Variants in SLIT2 observed in about 807,000 individuals in gnomAD.
The protein encoded by SLIT2 is slit homolog 2 protein.
A neutral mutation model predicts 185.7 loss-of-function variants in SLIT2; 41 were observed. The observed-to-expected ratio is 0.22, with a 90% confidence interval of 0.17 to 0.29. The LOEUF is 0.29. Ranked by LOEUF, SLIT2 falls within the 10% of genes least tolerant of loss-of-function variation. The probability of loss-of-function intolerance (pLI) is 1.00; values close to 1 mark genes in which losing one functional copy is unlikely to be tolerated. For synonymous variants in SLIT2, 693 were observed against 680.2 expected, an observed-to-expected ratio of 1.02 and a Z score of -0.29; for missense variants, 1,571 against 1,909.0, an observed-to-expected ratio of 0.82 and a Z score of 3.30.
intron 4 of SLIT2, among the ~76,000 whole-genome samples, chr4:20,315,168 T>A (rs914501050): frequency 2.0e-5 from 3 of 152,142 alleles, no homozygotes; most frequent in African/African-American, 7.2e-5. Flanking sequence ...AAGCTAGGAA[T>A]AAAACCTTAG....
chr4:20,302,873 C>T (rs1234414231), intron 4 of SLIT2, among the ~76,000 whole-genome samples: 5 of 152,114 alleles, frequency 3.3e-5, no homozygotes, highest in South Asian at 2.1e-4. Flanking sequence ...TTGTATATGA[C>T]GTGGAACTTT....
In SLIT2 at chr4:20,618,802, T is replaced by C. The variant is rs1403081858; in HGVS notation, c.4383T>C (p.Tyr1461=). The C allele has an allele frequency of 3.1e-6, 5 of 1,608,218 alleles. No homozygotes were observed. Among genetic ancestry groups the C allele is most frequent in the East Asian group, 2.2e-5 (1 of 44,680 alleles). Residue 1461 remains tyrosine, a synonymous_variant, in exon 37 of 37, where the codon TAT becomes TAC. Coordinates refer to ENST00000504154, the MANE Select transcript of SLIT2 (RefSeq NM_004787.4). The part of the protein sequence containing the change: ...ISCRGERIRD[Y]YQKQQGYAAC... The stretch of plus-strand genomic sequence containing the variant: ...GTCGAGGGGAAAGGATAAGAGATTA[T>C]TACCAAAAGCAGCAGGGCTATGCTG...
intron 4 of SLIT2, among the ~76,000 whole-genome samples, chr4:20,315,177 A>G (rs1718468121): frequency 1.3e-5 from 2 of 152,164 alleles, no homozygotes; most frequent in Admixed American, 6.5e-5. Flanking sequence ...ATAAAACCTT[A>G]GAGTTTCTCA....
At chr4:20,583,017 T>A (rs1726729795) in intron 29 of SLIT2, among the ~76,000 whole-genome samples, 1 of 152,206 alleles carries the variant, frequency 6.6e-6, no homozygotes, top group Non-Finnish European at 1.5e-5. Context: ...TCAGAACTCA[T>A]GCAATTCAAG....
chr4:20,379,601 C>G (rs113080955), intron 4 of SLIT2, among the ~76,000 whole-genome samples: 12 of 152,234 alleles, frequency 7.9e-5, no homozygotes, highest in South Asian at 4.2e-4. Flanking sequence ...CTGACACAGA[C>G]CTGCCTTTGA....
At chr4:20,264,667 T>C (rs1158638866) in intron 3 of SLIT2, among the ~76,000 whole-genome samples, 1 of 151,904 alleles carries the variant, frequency 6.6e-6, no homozygotes, top group East Asian at 1.9e-4. Context: ...TAAGAATCAG[T>C]GTTTCAGAGG....
intron 7 of SLIT2, 75 bp from the exon 8 acceptor site, chr4:20,488,744 A>C: frequency 9.4e-7 from 1 of 1,059,872 alleles, no homozygotes; most frequent in Non-Finnish European, 1.4e-6. Context: ...CTTCTATGTT[A>C]AGAAATACAG....
chr4:20,570,554 T>G (rs1354258688), intron 29 of SLIT2, among the ~76,000 whole-genome samples: 1 of 151,596 alleles, frequency 6.6e-6, no homozygotes, highest in Non-Finnish European at 1.5e-5. Context: ...TAGGATAGAA[T>G]AATTCTCTTT....
At chr4:20,258,711 A>G (rs539023226) in intron 3 of SLIT2, among the ~76,000 whole-genome samples, 1 of 151,836 alleles carries the variant, frequency 6.6e-6, no homozygotes, top group South Asian at 2.1e-4. Flanking sequence ...CTTGTAATTG[A>G]AGTACGAATT....
chr4:20,570,986 C>T lies in SLIT2; in HGVS notation c.3088+1982C>T, dbSNP rs535669006. 2.6e-5 allele frequency among the ~76,000 whole-genome samples: 4 copies of T among 152,080 alleles called. No individual in the cohort carries two copies. In the South Asian group the frequency reaches 8.3e-4, roughly 32 times the overall value. ...CCCCAGCTCCCTCCCTACACCTGCT[C>T]CTCTTGAACACATGTTTTCTCCTAT... is the stretch of plus-strand genomic sequence containing the variant. On this transcript the variant is annotated intron_variant, in intron 29 of 36. Transcript: ENST00000504154.
chr4:20,343,469 C>A (rs1275128433), intron 4 of SLIT2, among the ~76,000 whole-genome samples: 2 of 151,920 alleles, frequency 1.3e-5, no homozygotes, highest in Non-Finnish European at 2.9e-5. Flanking sequence ...CCTTTCATAA[C>A]CCTGTATTGC....
At chr4:20,382,187 A>T (rs1334125764) in intron 4 of SLIT2, among the ~76,000 whole-genome samples, 1 of 152,152 alleles carries the variant, frequency 6.6e-6, no homozygotes, top group African/African-American at 2.4e-5. Context: ...TTCTGAGCAA[A>T]CTAGAAATAG....
At chr4:20,570,177 T>C (rs1474095533) in intron 29 of SLIT2, among the ~76,000 whole-genome samples, 1 of 152,046 alleles carries the variant, frequency 6.6e-6, no homozygotes, top group Admixed American at 6.6e-5. Context: ...GCACCCAATG[T>C]CATGTAAAGC....
rs1553898381 is a variant in SLIT2, at chr4:20,417,457, T to TAC, written c.396-50294_396-50293dup. On this transcript the variant is annotated intron_variant, in intron 4 of 36. Coordinates refer to ENST00000504154, the MANE Select transcript of SLIT2 (RefSeq NM_004787.4). Reference sequence around the variant, plus strand: ...GTGTGTATATATATATATATATATATACGTATATATATGTGTGTGTACATA... The same window carrying TAC: ...GTGTGTATATATATATATATATATATACACGTATATATATGTGTGTGTACATA... Among the ~76,000 whole-genome samples the TAC allele has an allele frequency of 1.2e-3, 173 of 145,010 alleles. 5 individuals carry two copies. Among genetic ancestry groups the TAC allele is most frequent in the East Asian group, 5.8e-3 (29 of 5,004 alleles).
intron 4 of SLIT2, among the ~76,000 whole-genome samples, chr4:20,270,089 T>C (rs758764331): frequency 1.1e-4 from 17 of 151,968 alleles, no homozygotes; most frequent in Non-Finnish European, 2.4e-4. Flanking sequence ...TGAAGAAACC[T>C]TGGAATTGCA....
At position 20,294,151 on chromosome 4, in the gene SLIT2, T is replaced by C. The variant is rs71607017; in HGVS notation, c.395+25270T>C. ...TCACTTGAGGCTAGGAGTTTGAGAC[T>C]AGCCTGGCCAACATGACGAAACCCT... On this transcript the variant is annotated intron_variant, in intron 4 of 36. Transcript: ENST00000504154. 8.0e-3 allele frequency among the ~76,000 whole-genome samples: 1,213 copies of C among 152,072 alleles called. 6 individuals carry two copies. The highest frequency in any genetic ancestry group is 0.013 in the Non-Finnish European group (868 of 67,958).
intron 29 of SLIT2, chr4:20,569,389 A>G (rs1327632626): frequency 4.6e-6 from 1 of 217,320 alleles, no homozygotes; most frequent in Non-Finnish European, 9.2e-6. Flanking sequence ...AGCTTTTGAG[A>G]TCATTTGTCT....
At chr4:20,348,724 G>C (rs1721638761) in intron 4 of SLIT2, among the ~76,000 whole-genome samples, 2 of 152,176 alleles carry the variant, frequency 1.3e-5, no homozygotes, top group South Asian at 4.1e-4. Context: ...CTGTCATTAA[G>C]AGTTCGTTTG....
At chr4:20,540,629 T>C (rs967637917) in intron 19 of SLIT2, among the ~76,000 whole-genome samples, 38 of 152,178 alleles carry the variant, frequency 2.5e-4, no homozygotes, top group Admixed American at 2.5e-3. Flanking sequence ...ATAAGATTTC[T>C]CAGTAACGGT....
Sources: gnomAD v4.1 joint callset for allele counts (sites outside exome capture counted in the v4.1 genomes callset) on GRCh38, gnomAD v4.1.1 for gene constraint, MANE v1.5 for transcripts, NCBI Gene and HGNC (gene_info 2026-07-23, HGNC 2026-07-21) for gene names.